RSPO2: variants seen among roughly 807,000 people sequenced by gnomAD.
RSPO2 encodes R-spondin 2.
Under a neutral mutation model 30.9 loss-of-function variants are expected in RSPO2, and 14 were observed. The observed-to-expected ratio is 0.45, with a 90% CI of 0.30 to 0.71. The LOEUF (loss-of-function observed/expected upper bound fraction) is 0.71. Among genes scored for constraint, RSPO2 ranks in the 30% least tolerant of loss-of-function variants. The pLI is 0.08. For synonymous variants in RSPO2, 107 were observed against 96.4 expected, an observed-to-expected ratio of 1.11 and a Z score of -0.64; for missense variants, 264 against 301.9, an observed-to-expected ratio of 0.87 and a Z score of 0.93.
intron 5 of RSPO2, among the ~76,000 whole-genome samples, chr8:107,937,181 G>T (rs1388773639): frequency 1.4e-5 from 2 of 147,244 alleles, no homozygotes; most frequent in Non-Finnish European, 3.0e-5. Flanking sequence ...TATGGGGAGA[G>T]ACAAGGTCCA....
At chr8:107,963,837 A>G (rs1046478309) in intron 3 of RSPO2, among the ~76,000 whole-genome samples, 1 of 152,138 alleles carries the variant, frequency 6.6e-6, no homozygotes, top group African/African-American at 2.4e-5. Context: ...GGCAAGAATA[A>G]AGGCATCTAT....
chr8:108,062,289 G>A (rs1812494850), intron 2 of RSPO2, among the ~76,000 whole-genome samples: 1 of 151,806 alleles, frequency 6.6e-6, no homozygotes, highest in Non-Finnish European at 1.5e-5. Context: ...TAGCCTGCTA[G>A]CAAGACTAAC....
chr8:108,077,330 G>A (rs1813045580), intron 2 of RSPO2, among the ~76,000 whole-genome samples: 1 of 152,104 alleles, frequency 6.6e-6, no homozygotes. Context: ...TGAAGAAGGA[G>A]GGAATCAGCA....
intron 2 of RSPO2, chr8:108,081,803 C>A: frequency 1.8e-6 from 1 of 559,558 alleles, no homozygotes; most frequent in Non-Finnish European, 2.3e-6. Context: ...GAAGCCTCCA[C>A]CGGTGTGGCT....
chr8:108,063,282 C>T (rs573369927), intron 2 of RSPO2, among the ~76,000 whole-genome samples: 6 of 151,796 alleles, frequency 4.0e-5, no homozygotes, highest in Non-Finnish European at 7.4e-5. Context: ...CTAGAAAACG[C>T]CATCTTCTCA....
intron 5 of RSPO2, among the ~76,000 whole-genome samples, chr8:107,902,463 A>G (rs933192224): frequency 6.6e-6 from 1 of 152,094 alleles, no homozygotes; most frequent in African/African-American, 2.4e-5. Context: ...CTTTCATTCC[A>G]GGCATATAGC....
At chr8:107,906,874 G>A (rs916977979) in intron 5 of RSPO2, among the ~76,000 whole-genome samples, 6 of 151,928 alleles carry the variant, frequency 3.9e-5, no homozygotes, top group South Asian at 4.2e-4. Flanking sequence ...ATAATCAAGC[G>A]AATTAACACA....
intron 2 of RSPO2, among the ~76,000 whole-genome samples, chr8:108,063,468 T>C (rs1224258635): frequency 2.0e-5 from 3 of 151,678 alleles, no homozygotes; most frequent in African/African-American, 7.3e-5. Context: ...GGAATCCAAC[T>C]TACAAGGGAC....
At position 108,030,275 on chromosome 8, in the gene RSPO2, G is replaced by A. The variant is rs1420464735; in HGVS notation, c.95-41031C>T. Reference sequence around the variant, plus strand: ...AGAAACCCAAGCAGTATTCATTCATGTGACCAAACTACAGCTTCAAGTTTC... The same window carrying A: ...AGAAACCCAAGCAGTATTCATTCATATGACCAAACTACAGCTTCAAGTTTC... On this transcript the variant is annotated intron_variant, in intron 2 of 5. Coordinates refer to ENST00000276659, the MANE Select transcript of RSPO2 (RefSeq NM_178565.5). Among the ~76,000 whole-genome samples the A allele has an allele frequency of 2.6e-5, 4 of 152,178 alleles. No homozygotes were observed. In the South Asian group the frequency reaches 8.3e-4, roughly 31 times the overall value.
intron 2 of RSPO2, among the ~76,000 whole-genome samples, chr8:108,003,303 ATATATATATTTTTTTTTTTTTTTTTTT>A (rs1815333237): frequency 7.3e-5 from 2 of 27,216 alleles, no homozygotes; most frequent in African/African-American, 2.3e-4. Flanking sequence ...ATATATATAT[ATATATATATTTTTTTTTTTTTTTTTTT>A]TTTTTTTAAG....
chr8:107,920,751 G>A (rs1021164813), intron 5 of RSPO2, among the ~76,000 whole-genome samples: 6 of 151,974 alleles, frequency 3.9e-5, no homozygotes, highest in Admixed American at 1.3e-4. Context: ...ATGTTATTCA[G>A]GTAAAGAGTT....
chr8:107,978,201 G>A (rs1814282222), intron 3 of RSPO2, among the ~76,000 whole-genome samples: 1 of 152,150 alleles, frequency 6.6e-6, no homozygotes, highest in Non-Finnish European at 1.5e-5. Context: ...GCCGAGGCGG[G>A]CAGATCACCC....
chr8:108,011,756 A>C (rs1286750745), intron 2 of RSPO2, among the ~76,000 whole-genome samples: 1 of 152,230 alleles, frequency 6.6e-6, no homozygotes, highest in African/African-American at 2.4e-5. Context: ...AGAGGAAATA[A>C]TTGGGCAGGG....
At chr8:108,021,065 A>T (rs1811044994) in intron 2 of RSPO2, among the ~76,000 whole-genome samples, 1 of 152,204 alleles carries the variant, frequency 6.6e-6, no homozygotes, top group Non-Finnish European at 1.5e-5. Flanking sequence ...AAATAAAATA[A>T]GGTTCCTGGT....
At chr8:107,983,127 T>C (rs1399837876) in intron 3 of RSPO2, 6 of 1,458,976 alleles carry the variant, frequency 4.1e-6, no homozygotes, top group Admixed American at 2.1e-5. Context: ...ATGGAAGTAA[T>C]GAAGGACCCC....
chr8:108,009,152 G>A (rs981386783), intron 2 of RSPO2, among the ~76,000 whole-genome samples: 1 of 152,048 alleles, frequency 6.6e-6, no homozygotes, highest in African/African-American at 2.4e-5. Flanking sequence ...GCTGCTGGTG[G>A]TAATGTAAAT....
intron 2 of RSPO2, among the ~76,000 whole-genome samples, chr8:108,019,500 G>A (rs1286989772): frequency 6.6e-6 from 1 of 152,054 alleles, no homozygotes; most frequent in Non-Finnish European, 1.5e-5. Flanking sequence ...CCACTTTGAG[G>A]GTTTCTCTCA....
intron 3 of RSPO2, among the ~76,000 whole-genome samples, chr8:107,984,779 G>T (rs1408263062): frequency 6.6e-6 from 1 of 152,140 alleles, no homozygotes; most frequent in African/African-American, 2.4e-5. Flanking sequence ...AAAAAATAGT[G>T]TTGCCATGAA....
At position 107,958,143 on chromosome 8, in the gene RSPO2, T is replaced by C. The variant is rs750305724; in HGVS notation, c.553A>G (p.Ile185Val). ...QIVKKPVKDT[I>V]LCPTIAESRR... ...GATTCAGCAATGGTTGGACACAGTA[T>C]TGTGTCTTTCACTGGCTTTTTAACA... The change falls in exon 5 of 6, where the codon ATA (isoleucine) becomes GTA (valine). Residue 185 changes from isoleucine to valine, a missense_variant. By Grantham distance (29) the Ile-to-Val change is conservative. Coordinates refer to ENST00000276659, the MANE Select transcript of RSPO2 (RefSeq NM_178565.5). 152 of 1,613,550 alleles carry C rather than the reference T, an allele frequency of 9.4e-5. No homozygotes were observed. Among genetic ancestry groups the C allele is most frequent in the Non-Finnish European group, 1.2e-4 (138 of 1,179,606 alleles).
Sources: gnomAD v4.1 joint callset for allele counts (sites outside exome capture counted in the v4.1 genomes callset) on GRCh38, gnomAD v4.1.1 for gene constraint, MANE v1.5 for transcripts, NCBI Gene and HGNC (gene_info 2026-07-23, HGNC 2026-07-21) for gene names.